The following KANK1 variants were observed in gnomAD, a reference collection of about 807,000 sequenced individuals.
The protein encoded by KANK1 is KN motif and ankyrin repeat domain-containing protein 1.
Under a neutral mutation model 106.2 loss-of-function variants are expected in KANK1, and 109 were observed. That is an observed-to-expected ratio of 1.03 (90% confidence interval 0.88 to 1.20). The LOEUF (loss-of-function observed/expected upper bound fraction) is 1.20, where lower values mean the gene tolerates loss of function less well. Among genes scored for constraint, KANK1 ranks in the 50% most tolerant of loss-of-function variants. The probability of loss-of-function intolerance (pLI) is 0.00; values close to 1 mark genes in which losing one functional copy is unlikely to be tolerated. For missense variants in KANK1, 2,399 were observed against 1,710.7 expected, an observed-to-expected ratio of 1.40 and a Z score of -7.10; for synonymous variants, 873 against 652.2, an observed-to-expected ratio of 1.34 and a Z score of -5.16.
At position 711,138 on chromosome 9, in the gene KANK1, T is replaced by G. The variant is rs1589108761; in HGVS notation, c.372T>G (p.Pro124=). ...TSTPISKPPP[P]LETSLPFLTI... is the part of the protein sequence containing the mutation. The stretch of plus-strand genomic sequence containing the variant: ...CTCCAATCTCAAAGCCACCTCCCCC[T>G]CTGGAGACCTCACTCCCTTTTCTTA... Residue 124 remains proline (P), a synonymous_variant, in exon 3 of 12, where the codon CCT becomes CCG. Coordinates refer to ENST00000382297, the MANE Select transcript of KANK1 (RefSeq NM_015158.5). The G allele has an allele frequency of 6.2e-7, 1 of 1,614,074 alleles. No homozygotes were observed.
chr9:626,345 C>T (rs1834338798), intron 1 of KANK1, among the ~76,000 whole-genome samples: 1 of 152,024 alleles, frequency 6.6e-6, no homozygotes, highest in African/African-American at 2.4e-5. Context: ...GTCCCAGCTA[C>T]TCGGAAGGCT....
chr9:614,231 T>C (rs905456783), intron 1 of KANK1, among the ~76,000 whole-genome samples: 1 of 152,318 alleles, frequency 6.6e-6, no homozygotes, highest in African/African-American at 2.4e-5. Context: ...AAAGTGTGTT[T>C]AGCAGATGGG....
intron 1 of KANK1, among the ~76,000 whole-genome samples, chr9:507,811 C>T (rs888612035): frequency 3.9e-5 from 6 of 152,054 alleles, no homozygotes; most frequent in Admixed American, 1.3e-4. Flanking sequence ...CCACCTCGGC[C>T]TCTCAAAGTG....
intron 1 of KANK1, among the ~76,000 whole-genome samples, chr9:517,537 A>G (rs970969484): frequency 6.6e-6 from 1 of 151,614 alleles, no homozygotes; most frequent in Non-Finnish European, 1.5e-5. Context: ...TATTCATGGG[A>G]AAATAGGGAA....
chr9:656,893 T>C (rs1011297185), intron 1 of KANK1, among the ~76,000 whole-genome samples: 1 of 152,154 alleles, frequency 6.6e-6, no homozygotes, highest in African/African-American at 2.4e-5. Flanking sequence ...TTTTTTATTG[T>C]GGTGAAAAAC....
In KANK1 at chr9:670,298, A is replaced by G. The variant is rs142545027; in HGVS notation, c.-83-6592A>G. ...TATGGATATATGTCTGTGTCTTTGCATTAAAGGATTTATTATTTATTCCAA... is the reference window on the plus strand; with the variant it reads ...TATGGATATATGTCTGTGTCTTTGCGTTAAAGGATTTATTATTTATTCCAA... On this transcript the variant is annotated intron_variant, in intron 1 of 11. Transcript: ENST00000382297. Among the ~76,000 whole-genome samples, 40 of 152,234 alleles carry G rather than the reference A, an allele frequency of 2.6e-4. 1 individual carries two copies. Among genetic ancestry groups the G allele is most frequent in the African/African-American group, 9.4e-4 (39 of 41,530 alleles).
At chr9:519,943 A>G (rs544266215) in intron 1 of KANK1, among the ~76,000 whole-genome samples, 49 of 151,854 alleles carry the variant, frequency 3.2e-4, no homozygotes, top group Non-Finnish European at 6.6e-4. Context: ...CATTACTCAT[A>G]TTAGTCTAGT....
At chr9:512,761 A>C (rs527782377) in intron 1 of KANK1, among the ~76,000 whole-genome samples, 1 of 152,320 alleles carries the variant, frequency 6.6e-6, no homozygotes, top group Admixed American at 6.5e-5. Flanking sequence ...ATATACTGCC[A>C]GTCTATGCTT....
intron 6 of KANK1, chr9:734,085 G>T (rs1233279411): frequency 7.5e-6 from 1 of 133,988 alleles, no homozygotes; most frequent in Non-Finnish European, 1.5e-5. Context: ...CTCCAGCCTG[G>T]GCAACAGAGT....
intron 1 of KANK1, among the ~76,000 whole-genome samples, chr9:512,835 C>T (rs1410967): frequency 0.16 from 24,669 of 152,168 alleles, 3,651 homozygotes; most frequent in African/African-American, 0.4. Context: ...TTTATATTCC[C>T]TCACACCTCT....
At chr9:719,498 G>A (rs962422700) in intron 3 of KANK1, among the ~76,000 whole-genome samples, 2 of 152,180 alleles carry the variant, frequency 1.3e-5, no homozygotes, top group Non-Finnish European at 2.9e-5. Flanking sequence ...CTTCTTTTTT[G>A]TGTTTTCAGA....
intron 3 of KANK1, among the ~76,000 whole-genome samples, chr9:477,453 C>A (rs2058125501): frequency 6.6e-6 from 1 of 152,112 alleles, no homozygotes; most frequent in South Asian, 2.1e-4. Context: ...AACAATGAAC[C>A]TGAATTCTAA....
Position 676,981 on chromosome 9 carries a change from C to G in KANK1, c.9C>G (p.His3Gln), listed in dbSNP as rs144137079. Reference sequence around the variant, plus strand: ...ATTGGACTCAAGCCAGCATGGCTCACACCACAAAGGTTAACGGCAGTGCCT... The same window carrying G: ...ATTGGACTCAAGCCAGCATGGCTCAGACCACAAAGGTTAACGGCAGTGCCT... MA[H>Q]TTKVNGSASG... Residue 3 changes from histidine (H) to glutamine (Q), a missense_variant, in exon 2 of 12, where the codon CAC becomes CAG. His to Gln is a conservative substitution (Grantham distance 24). Transcript: ENST00000382297. 2.5e-6 allele frequency: 4 copies of G among 1,613,806 alleles called. No individual in the cohort carries two copies. The highest frequency in any genetic ancestry group is 1.3e-5 in the African/African-American group (1 of 75,018).
chr9:629,482 C>T (rs965265252), intron 1 of KANK1, among the ~76,000 whole-genome samples: 8 of 152,286 alleles, frequency 5.3e-5, no homozygotes, highest in Non-Finnish European at 1.2e-4. Context: ...TTGCCATCTG[C>T]TCAGATACAT....
intron 1 of KANK1, among the ~76,000 whole-genome samples, chr9:583,124 G>A (rs1447792156): frequency 1.3e-5 from 2 of 152,182 alleles, no homozygotes; most frequent in South Asian, 2.1e-4. Context: ...AGAAATGGGA[G>A]TAGTCCCTGG....
chr9:572,639 C>A (rs2134914202), intron 1 of KANK1, among the ~76,000 whole-genome samples: 1 of 152,260 alleles, frequency 6.6e-6, no homozygotes, highest in South Asian at 2.1e-4. Context: ...AATCCTCCTG[C>A]CATGGCCTCC....
intron 1 of KANK1, among the ~76,000 whole-genome samples, chr9:510,861 C>T (rs556937585): frequency 1.4e-3 from 211 of 152,230 alleles, no homozygotes; most frequent in African/African-American, 4.6e-3. Flanking sequence ...ACTCCTTTCC[C>T]CTCAGGTAAA....
chr9:548,905 C>A (rs1316288339), intron 1 of KANK1, among the ~76,000 whole-genome samples: 2 of 151,754 alleles, frequency 1.3e-5, no homozygotes, highest in African/African-American at 4.8e-5. Flanking sequence ...ATAGTAACAC[C>A]CTATCTTTAT....
intron 1 of KANK1, among the ~76,000 whole-genome samples, chr9:549,907 G>A (rs1225565901): frequency 6.6e-6 from 1 of 152,082 alleles, no homozygotes; most frequent in African/African-American, 2.4e-5. Context: ...TGGAGGTTGG[G>A]GGGTGGCACG....
Sources: allele counts gnomAD v4.1 joint callset (sites outside exome capture counted in the v4.1 genomes callset), GRCh38; gene constraint gnomAD v4.1.1; transcripts MANE v1.5; gene names NCBI Gene and HGNC (gene_info 2026-07-23, HGNC 2026-07-21).